DMD: variants seen among roughly 807,000 people sequenced by gnomAD.
The protein encoded by DMD is mutant dystrophin.
DMD carries 63 observed loss-of-function variants against 330.1 expected under a neutral mutation model. The observed-to-expected ratio is 0.19, with a 90% CI of 0.16 to 0.24. The LOEUF (loss-of-function observed/expected upper bound fraction) is 0.24. Ranked by LOEUF, DMD falls within the 10% of genes least tolerant of loss-of-function variation. DMD has a pLI of 1.00. For missense variants in DMD, 3,344 were observed against 2,684.1 expected, an observed-to-expected ratio of 1.25 and a Z score of -5.43; for synonymous variants, 1,223 against 959.8, an observed-to-expected ratio of 1.27 and a Z score of -5.07.
chrX:32,929,845 G>A (rs1033716144), intron 2 of DMD, among the ~76,000 whole-genome samples: 1 of 111,446 alleles, frequency 9.0e-6, no homozygotes, highest in Non-Finnish European at 1.9e-5. Context: ...AGTTTGCTGA[G>A]AATGATGGTT....
chrX:31,528,134 T>A (rs1196878195), intron 55 of DMD, among the ~76,000 whole-genome samples: 1 of 112,053 alleles, frequency 8.9e-6, no homozygotes, highest in Non-Finnish European at 1.9e-5. Flanking sequence ...TTTGTACCTA[T>A]GGAGAGATGT....
intron 3 of DMD, among the ~76,000 whole-genome samples, chrX:32,848,457 G>C (rs2080869712): frequency 9.0e-6 from 1 of 111,677 alleles, no homozygotes; most frequent in Non-Finnish European, 1.9e-5. Flanking sequence ...AAACAGTTCA[G>C]CTATAAGGTA....
chrX:32,042,607 A>G (rs751368902), intron 44 of DMD, among the ~76,000 whole-genome samples: 2 of 111,927 alleles, frequency 1.8e-5, no homozygotes, highest in Admixed American at 1.9e-4. Flanking sequence ...GTGTGTGTAT[A>G]ATTTATTTCT....
At chrX:31,696,482 A>G (rs991635920) in intron 52 of DMD, among the ~76,000 whole-genome samples, 1 of 111,888 alleles carries the variant, frequency 8.9e-6, no homozygotes, top group African/African-American at 3.2e-5. Context: ...CCCTTGTGAA[A>G]TGTTCATGAC....
At chrX:33,269,281 T>C (rs1287532375) in intron 1 of DMD, among the ~76,000 whole-genome samples, 1 of 111,323 alleles carries the variant, frequency 9.0e-6, no homozygotes, top group African/African-American at 3.3e-5. Context: ...AATCATGTCC[T>C]TTGCAGCGAC....
At chrX:32,153,821 C>A (rs187252967) in intron 44 of DMD, among the ~76,000 whole-genome samples, 122 of 112,030 alleles carry the variant, frequency 1.1e-3, no homozygotes, top group African/African-American at 3.8e-3. Context: ...AACGTGCGCA[C>A]CTGGTAATTA....
intron 42 of DMD, among the ~76,000 whole-genome samples, chrX:32,288,937 G>A (rs1048178653): frequency 9.0e-6 from 1 of 111,489 alleles, no homozygotes; most frequent in African/African-American, 3.3e-5. Flanking sequence ...AAACAAGAAG[G>A]ATGGGTAATA....
At chrX:32,511,524 G>GGGAAAAAAA (rs766801853) in intron 18 of DMD, among the ~76,000 whole-genome samples, 3 of 49,787 alleles carry the variant, frequency 6.0e-5, no homozygotes, top group African/African-American at 1.6e-4. Context: ...TCCGTCTCGG[G>GGGAAAAAAA]AAAAAAAAAA....
At chrX:31,145,689 G>T (rs2036601149) in intron 76 of DMD, among the ~76,000 whole-genome samples, 1 of 91,634 alleles carries the variant, frequency 1.1e-5, no homozygotes, top group African/African-American at 5.2e-5. Flanking sequence ...TTGAGACACA[G>T]TCTTGCTCTG....
chrX:31,833,891 G>A (rs766812053), intron 49 of DMD, among the ~76,000 whole-genome samples: 23 of 111,041 alleles, frequency 2.1e-4, no homozygotes, highest in Non-Finnish European at 3.4e-4. Context: ...CATATACATC[G>A]TGAGAGATTT....
At chrX:32,862,054 G>C (rs1200547010) in intron 2 of DMD, among the ~76,000 whole-genome samples, 2 of 111,604 alleles carry the variant, frequency 1.8e-5, no homozygotes, top group Non-Finnish European at 3.8e-5. Context: ...GGAATGTTTT[G>C]TGGACCTTAG....
At chrX:32,554,926 A>G (rs866539452) in intron 16 of DMD, among the ~76,000 whole-genome samples, 1 of 30,533 alleles carries the variant, frequency 3.3e-5, no homozygotes, top group Non-Finnish European at 5.3e-5. Context: ...AGAAAGAAAG[A>G]AAGAAAGAAA....
chrX:32,829,690 T>A (rs781426327), intron 4 of DMD, among the ~76,000 whole-genome samples: 2 of 111,969 alleles, frequency 1.8e-5, no homozygotes, highest in South Asian at 7.3e-4. Flanking sequence ...GCTATACAGT[T>A]CTCTCTGAAT....
At chrX:32,516,665 G>A (rs2045891181) in intron 18 of DMD, 1 of 110,983 alleles carries the variant, frequency 9.0e-6, no homozygotes, top group African/African-American at 3.3e-5. Context: ...TACTTTCAGT[G>A]GTCAAATATG....
intron 7 of DMD, among the ~76,000 whole-genome samples, chrX:32,704,982 C>T (rs1216707845): frequency 8.9e-6 from 1 of 112,127 alleles, no homozygotes; most frequent in Non-Finnish European, 1.9e-5. Flanking sequence ...TATCTAAATG[C>T]TGGAGTTTCT....
chrX:32,847,118 ATAAT>A (rs1159607821), intron 3 of DMD, among the ~76,000 whole-genome samples: 1 of 112,415 alleles, frequency 8.9e-6, no homozygotes, highest in Admixed American at 9.4e-5. Context: ...AGTTTTGAAA[ATAAT>A]TACTCAAATC....
At chrX:32,842,083 C>G (rs1166609805) in intron 4 of DMD, among the ~76,000 whole-genome samples, 1 of 112,033 alleles carries the variant, frequency 8.9e-6, no homozygotes, top group Non-Finnish European at 1.9e-5. Context: ...GTTTTATTGC[C>G]AGGATTTTTC....
chrX:32,447,712 T>C (rs1429460900), intron 27 of DMD, among the ~76,000 whole-genome samples: 2 of 111,877 alleles, frequency 1.8e-5, no homozygotes, highest in Non-Finnish European at 3.8e-5. Flanking sequence ...CCAACTCATG[T>C]GCAATGTCTG....
chrX:31,557,423 C>T (rs1179990961), intron 55 of DMD, among the ~76,000 whole-genome samples: 2 of 111,647 alleles, frequency 1.8e-5, no homozygotes, highest in Non-Finnish European at 3.8e-5. Flanking sequence ...CCCAGGGCAA[C>T]ATTGGAAACA....
Sources: allele counts gnomAD v4.1 joint callset (sites outside exome capture counted in the v4.1 genomes callset), GRCh38; gene constraint gnomAD v4.1.1; transcripts MANE v1.5; gene names NCBI Gene and HGNC (gene_info 2026-07-23, HGNC 2026-07-21).